Variants in TMEM123 observed in about 807,000 individuals in gnomAD.
The protein encoded by TMEM123 is porimin.
In TMEM123, 16 loss-of-function variants were observed where a neutral mutation model predicts 19.7. The observed-to-expected ratio is 0.81, with a 90% CI of 0.55 to 1.23. The LOEUF (loss-of-function observed/expected upper bound fraction) is 1.23. TMEM123 is among the 50% of genes most tolerant of loss of function. The probability of loss-of-function intolerance (pLI) is 0.00; values close to 1 mark genes in which losing one functional copy is unlikely to be tolerated. For missense variants in TMEM123, 313 were observed against 257.8 expected, an observed-to-expected ratio of 1.21 and a Z score of -1.47; for synonymous variants, 118 against 99.4, an observed-to-expected ratio of 1.19 and a Z score of -1.12.
At chr11:102,436,073 A>T (rs186964086) in intron 2 of TMEM123, among the ~76,000 whole-genome samples, 4 of 128,298 alleles carry the variant, frequency 3.1e-5, no homozygotes, top group Admixed American at 7.3e-5. Flanking sequence ...GAAGGTATTT[A>T]AAAAAAAATG....
At chr11:102,450,874 C>G (rs1167540652) in intron 1 of TMEM123, among the ~76,000 whole-genome samples, 1 of 152,192 alleles carries the variant, frequency 6.6e-6, no homozygotes, top group Non-Finnish European at 1.5e-5. Context: ...CTAAAAATCA[C>G]TATACTTCGT....
chr11:102,437,187 T>C (rs1857772273), intron 2 of TMEM123, among the ~76,000 whole-genome samples: 1 of 152,226 alleles, frequency 6.6e-6, no homozygotes, highest in Non-Finnish European at 1.5e-5. Context: ...CCATTCATCA[T>C]GACTTCTCCC....
intron 2 of TMEM123, among the ~76,000 whole-genome samples, chr11:102,442,870 G>A (rs1476588221): frequency 6.6e-6 from 1 of 152,114 alleles, no homozygotes; most frequent in Non-Finnish European, 1.5e-5. Context: ...AAATCAATGT[G>A]CAAAAATCAC....
chr11:102,403,154 G>A lies in TMEM123; in HGVS notation c.158-948C>T, dbSNP rs548033265. 7.9e-5 allele frequency among the ~76,000 whole-genome samples: 12 copies of A among 152,210 alleles called. No homozygotes were observed. In the East Asian group the frequency reaches 1.4e-3, roughly 17 times the overall value. On this transcript the variant is annotated intron_variant, in intron 2 of 4. Coordinates refer to ENST00000398136, the MANE Select transcript of TMEM123 (RefSeq NM_052932.3). ...ACCTCCTGAGTAGCTGGGATTACAGGTGCCTGCTACCATGCTGGCTAATTT... is the reference window on the plus strand; with the variant it reads ...ACCTCCTGAGTAGCTGGGATTACAGATGCCTGCTACCATGCTGGCTAATTT...
In TMEM123 at chr11:102,426,864, C is replaced by A. The variant is rs1240661627; in HGVS notation, c.157+21948G>T. Among the ~76,000 whole-genome samples the A allele has an allele frequency of 8.7e-5, 5 of 57,760 alleles. 1 individual carries two copies. Among genetic ancestry groups the A allele is most frequent in the African/African-American group, 2.5e-4 (4 of 16,090 alleles). 37.9% of individuals were successfully genotyped at this position (57,760 alleles called of 152,430 possible). Reference sequence around the variant, plus strand: ...CTTAATGTTTTTAAAGTAGTTCCCCCCCCCCCCCCATTTATTGCTCAAAAT... The same window carrying A: ...CTTAATGTTTTTAAAGTAGTTCCCCACCCCCCCCCATTTATTGCTCAAAAT... On this transcript the variant is annotated intron_variant, in intron 2 of 4. Coordinates refer to ENST00000398136, the MANE Select transcript of TMEM123 (RefSeq NM_052932.3).
intron 2 of TMEM123, among the ~76,000 whole-genome samples, chr11:102,423,785 C>G (rs1377464874): frequency 6.6e-6 from 1 of 152,128 alleles, no homozygotes; most frequent in African/African-American, 2.4e-5. Flanking sequence ...GTCACACCAG[C>G]TAACAGTGAT....
intron 2 of TMEM123, among the ~76,000 whole-genome samples, chr11:102,414,170 G>T (rs1325984726): frequency 6.6e-6 from 1 of 152,040 alleles, no homozygotes; most frequent in African/African-American, 2.4e-5. Context: ...GAAAAGAAAT[G>T]AAGATAACTT....
chr11:102,421,585 T>C (rs1230227652), intron 2 of TMEM123, among the ~76,000 whole-genome samples: 1 of 152,096 alleles, frequency 6.6e-6, no homozygotes, highest in African/African-American at 2.4e-5. Context: ...AACTGTACAG[T>C]TTAGTATACT....
At chr11:102,411,917 A>C (rs1042542828) in intron 2 of TMEM123, among the ~76,000 whole-genome samples, 17 of 152,126 alleles carry the variant, frequency 1.1e-4, no homozygotes, top group African/African-American at 4.1e-4. Context: ...TGAACTCTTC[A>C]CCATTACAGA....
chr11:102,414,130 A>G (rs576778942), intron 2 of TMEM123, among the ~76,000 whole-genome samples: 5 of 152,314 alleles, frequency 3.3e-5, no homozygotes, highest in South Asian at 2.1e-4. Flanking sequence ...CTTTCAATCA[A>G]CTCAGTCAGA....
intron 2 of TMEM123, among the ~76,000 whole-genome samples, chr11:102,438,621 G>C (rs1417770630): frequency 6.6e-6 from 1 of 152,160 alleles, no homozygotes; most frequent in African/African-American, 2.4e-5. Flanking sequence ...ACCAGCAACG[G>C]GTTCCAAGAT....
intron 2 of TMEM123, among the ~76,000 whole-genome samples, chr11:102,410,086 T>A (rs1018549279): frequency 3.3e-5 from 5 of 152,110 alleles, no homozygotes; most frequent in Non-Finnish European, 7.4e-5. Flanking sequence ...TAAGTTACAG[T>A]ATATCTGCAG....
At chr11:102,407,825 G>A (rs1036543284) in intron 2 of TMEM123, among the ~76,000 whole-genome samples, 2 of 152,144 alleles carry the variant, frequency 1.3e-5, no homozygotes, top group African/African-American at 2.4e-5. Flanking sequence ...CCAGCCTCCC[G>A]AACTGTGAGA....
At chr11:102,438,787 G>A (rs1857792769) in intron 2 of TMEM123, among the ~76,000 whole-genome samples, 1 of 152,220 alleles carries the variant, frequency 6.6e-6, no homozygotes, top group South Asian at 2.1e-4. Context: ...AGCAGGGCAG[G>A]GCACTGCATC....
At position 102,398,725 on chromosome 11, in the gene TMEM123, T is replaced by C. The variant is rs1951882577; in HGVS notation, c.*142A>G. 4 of 785,550 alleles carry C rather than the reference T, an allele frequency of 5.1e-6. No individual in the cohort carries two copies. The East Asian group carries it at 1.2e-4, about 23-fold the overall frequency. 48.7% of individuals were successfully genotyped at this position (785,550 alleles called of 1,614,324 possible). On this transcript the variant is annotated 3_prime_UTR_variant, in exon 5 of 5. Transcript: ENST00000398136. ...TGTTACCTTGAAGAATCTTTACATA[T>C]TTACGTAATACACTGTACATTATAT... is the stretch of plus-strand genomic sequence containing the variant.
chr11:102,447,627 G>A (rs1184587224), intron 2 of TMEM123, among the ~76,000 whole-genome samples: 2 of 152,162 alleles, frequency 1.3e-5, no homozygotes, highest in Non-Finnish European at 2.9e-5. Flanking sequence ...AAAAGGAAAA[G>A]CTATCTAATA....
intron 2 of TMEM123, among the ~76,000 whole-genome samples, chr11:102,419,757 G>A (rs1952070819): frequency 6.6e-6 from 1 of 152,204 alleles, no homozygotes. Context: ...AATTATTAGT[G>A]TGGATTAGAG....
chr11:102,445,732 A>G (rs1424563949), intron 2 of TMEM123, among the ~76,000 whole-genome samples: 1 of 152,196 alleles, frequency 6.6e-6, no homozygotes, highest in Non-Finnish European at 1.5e-5. Flanking sequence ...ATGGTGGTTA[A>G]AAGTTCAGTA....
rs538150173 is a variant in TMEM123 at position 102,437,609 on chromosome 11, T to G, written c.157+11203A>C. 1.3e-3 allele frequency among the ~76,000 whole-genome samples: 196 copies of G among 152,308 alleles called. 1 individual carries two copies. Among genetic ancestry groups the G allele is most frequent in the Middle Eastern group, 0.01 (3 of 294 alleles). ...TACAACTTTAAGAATGGAGGCATAC[T>G]TCAGGAAAGAAAGCACCAGTGCAGT... On this transcript the variant is annotated intron_variant, in intron 2 of 4. Coordinates refer to ENST00000398136, the MANE Select transcript of TMEM123 (RefSeq NM_052932.3).
Sources: gnomAD v4.1 joint callset for allele counts (sites outside exome capture counted in the v4.1 genomes callset) on GRCh38, gnomAD v4.1.1 for gene constraint, MANE v1.5 for transcripts, NCBI Gene and HGNC (gene_info 2026-07-23, HGNC 2026-07-21) for gene names.